Variants in KLHL29 observed in about 807,000 individuals in gnomAD.
KLHL29 encodes kelch like family member 29.
In KLHL29, 21 loss-of-function variants were observed where a neutral mutation model predicts 80.4. The observed-to-expected ratio is 0.26, with a 90% confidence interval of 0.19 to 0.38. KLHL29 has a LOEUF of 0.38. Ranked by LOEUF, KLHL29 falls within the 10% of genes least tolerant of loss-of-function variation. The pLI is 1.00. For synonymous variants in KLHL29, 511 were observed against 526.8 expected (o/e 0.97, Z 0.41); for missense variants, 867 against 1,223.9 (o/e 0.71, Z 4.35).
intron 5 of KLHL29, among the ~76,000 whole-genome samples, chr2:23,663,473 G>A (rs1192535530): frequency 6.6e-6 from 1 of 152,218 alleles, no homozygotes; most frequent in Admixed American, 6.5e-5. Flanking sequence ...AGGTTCCCGG[G>A]CCCGCGGAGG....
At chr2:23,423,959 C>G (rs1662928994) in intron 1 of KLHL29, among the ~76,000 whole-genome samples, 1 of 152,222 alleles carries the variant, frequency 6.6e-6, no homozygotes. Context: ...AGTGGCTTCG[C>G]TGGAGCATCC....
chr2:23,471,325 G>A (rs1444754853), intron 1 of KLHL29, among the ~76,000 whole-genome samples: 2 of 152,042 alleles, frequency 1.3e-5, no homozygotes, highest in Non-Finnish European at 1.5e-5. Context: ...CTAAAAACAT[G>A]GTGTATTTTA....
At chr2:23,553,495 C>T (rs1187796560) in intron 2 of KLHL29, among the ~76,000 whole-genome samples, 1 of 152,206 alleles carries the variant, frequency 6.6e-6, no homozygotes, top group Non-Finnish European at 1.5e-5. Flanking sequence ...TCCAGGCTGG[C>T]ACCTACACGT....
At chr2:23,548,963 G>C (rs182285840) in intron 2 of KLHL29, among the ~76,000 whole-genome samples, 4 of 152,298 alleles carry the variant, frequency 2.6e-5, no homozygotes, top group Non-Finnish European at 4.4e-5. Context: ...ATTGTCGAAG[G>C]GGGTCACTGA....
At chr2:23,590,646 G>A (rs1668236222) in intron 3 of KLHL29, among the ~76,000 whole-genome samples, 1 of 152,178 alleles carries the variant, frequency 6.6e-6, no homozygotes, top group African/African-American at 2.4e-5. Flanking sequence ...AGAGGCTGCG[G>A]ATCCATCCCC....
At chr2:23,542,162 T>C (rs1666857395) in intron 2 of KLHL29, among the ~76,000 whole-genome samples, 1 of 152,244 alleles carries the variant, frequency 6.6e-6, no homozygotes, top group Non-Finnish European at 1.5e-5. Context: ...TTGTCTAAAA[T>C]AGCCTCTCAG....
intron 5 of KLHL29, among the ~76,000 whole-genome samples, chr2:23,674,997 T>C (rs910814258): frequency 6.6e-6 from 1 of 151,912 alleles, no homozygotes; most frequent in African/African-American, 2.4e-5. Flanking sequence ...GATGTTTAAT[T>C]CCCCACACAA....
chr2:23,557,696 C>T (rs1401478256), intron 2 of KLHL29, among the ~76,000 whole-genome samples: 1 of 152,108 alleles, frequency 6.6e-6, no homozygotes, highest in Admixed American at 6.5e-5. Context: ...TGATCCCAAG[C>T]ACATCTAGGC....
At chr2:23,635,572 G>T (rs1041927073) in intron 3 of KLHL29, among the ~76,000 whole-genome samples, 1 of 152,252 alleles carries the variant, frequency 6.6e-6, no homozygotes, top group African/African-American at 2.4e-5. Flanking sequence ...GCAGGATGCT[G>T]TCAGCTGCCA....
At chr2:23,458,105 G>A (rs148973340) in intron 1 of KLHL29, among the ~76,000 whole-genome samples, 25 of 152,336 alleles carry the variant, frequency 1.6e-4, no homozygotes, top group East Asian at 9.6e-4. Flanking sequence ...TGCTATAGGC[G>A]TCAGTGCACG....
At chr2:23,658,889 G>A (rs1311766993) in intron 5 of KLHL29, among the ~76,000 whole-genome samples, 1 of 152,210 alleles carries the variant, frequency 6.6e-6, no homozygotes, top group African/African-American at 2.4e-5. Context: ...CAGAGTATCT[G>A]TGACATCCCG....
chr2:23,536,918 A>ACACTCTCTCTCT (rs143009876), intron 2 of KLHL29, among the ~76,000 whole-genome samples: 2 of 140,736 alleles, frequency 1.4e-5, no homozygotes, highest in South Asian at 4.7e-4. Context: ...ACACACACAC[A>ACACTCTCTCTCT]CTCTCTCTCT....
Position 23,707,464 on chromosome 2 carries a change from T to C in KLHL29, c.*800T>C, listed in dbSNP as rs1672803514. On this transcript the variant is annotated 3_prime_UTR_variant, in exon 14 of 14. Transcript: ENST00000486442. ...ATGTTGTGGGAATTCCCAAAGCTCT[T>C]TGTAGGTAGTGCCAGAGGGGGGCTT... 1 of 152,164 alleles carries C rather than the reference T, an allele frequency of 6.6e-6. No individual in the cohort carries two copies. Among genetic ancestry groups the C allele is most frequent in the African/African-American group, 2.4e-5 (1 of 41,426 alleles). 9.4% of individuals were successfully genotyped at this position (152,164 alleles called of 1,614,324 possible). A position where few individuals can be genotyped will look rare whatever the true frequency, so the allele number is the denominator to read the frequency against.
At chr2:23,408,908 C>A (rs551543915) in intron 1 of KLHL29, among the ~76,000 whole-genome samples, 1 of 152,150 alleles carries the variant, frequency 6.6e-6, no homozygotes, top group Non-Finnish European at 1.5e-5. Flanking sequence ...TTGTAGGCCT[C>A]CCCTGAAGCA....
At chr2:23,476,558 T>C (rs549729597) in intron 2 of KLHL29, among the ~76,000 whole-genome samples, 1 of 152,292 alleles carries the variant, frequency 6.6e-6, no homozygotes, top group Non-Finnish European at 1.5e-5. Flanking sequence ...CGTATGTCGG[T>C]AAATAGAAAT....
chr2:23,421,661 GT>G (rs2103402235), intron 1 of KLHL29, among the ~76,000 whole-genome samples: 2 of 150,424 alleles, frequency 1.3e-5, no homozygotes, highest in South Asian at 4.3e-4. Flanking sequence ...GTGTGAACCT[GT>G]GTGTGTGTGT....
Position 23,706,370 on chromosome 2 carries a change from C to T in KLHL29, c.2445-111C>T, listed in dbSNP as rs532877996. 7.7e-6 allele frequency: 6 copies of T among 782,298 alleles called. No homozygotes were observed. The African/African-American group carries it at 1.1e-4, about 14-fold the overall frequency. The allele number at this position is 782,298 out of a possible 1,614,324, so 48.5% of individuals were successfully genotyped here. On this transcript the variant is annotated intron_variant, in intron 13 of 13. Coordinates refer to ENST00000486442, the MANE Select transcript of KLHL29 (RefSeq NM_052920.2). Reference sequence around the variant, plus strand: ...AAGAAGGGCAGCAAGATCCCAGATGCCTTCTGCAAAAGGCACAGGCAGCCT... The same window carrying T: ...AAGAAGGGCAGCAAGATCCCAGATGTCTTCTGCAAAAGGCACAGGCAGCCT...
At chr2:23,640,961 C>T (rs1669753353) in intron 4 of KLHL29, among the ~76,000 whole-genome samples, 1 of 152,146 alleles carries the variant, frequency 6.6e-6, no homozygotes, top group African/African-American at 2.4e-5. Flanking sequence ...AGAGGGAGCT[C>T]CCAGCTCCAC....
At chr2:23,594,854 G>A (rs1021378318) in intron 3 of KLHL29, among the ~76,000 whole-genome samples, 3 of 152,098 alleles carry the variant, frequency 2.0e-5, no homozygotes, top group African/African-American at 7.2e-5. Context: ...TTATATTTTT[G>A]CTTAAGGTCA....
Sources: gnomAD v4.1 joint callset for allele counts (sites outside exome capture counted in the v4.1 genomes callset) on GRCh38, gnomAD v4.1.1 for gene constraint, MANE v1.5 for transcripts, NCBI Gene and HGNC (gene_info 2026-07-23, HGNC 2026-07-21) for gene names.